TMEM132D: variants seen among roughly 807,000 people sequenced by gnomAD.
TMEM132D encodes mature OL transmembrane protein.
TMEM132D carries 21 observed loss-of-function variants against 62.3 expected under a neutral mutation model. The observed-to-expected ratio is 0.34, with a 90% confidence interval of 0.24 to 0.49. TMEM132D has a LOEUF of 0.49. Among genes scored for constraint, TMEM132D ranks in the 20% least tolerant of loss-of-function variants. The pLI, the probability that TMEM132D is intolerant of heterozygous loss-of-function variation, is 0.99. For synonymous variants in TMEM132D, 621 were observed against 575.6 expected, an observed-to-expected ratio of 1.08 and a Z score of -1.13; for missense variants, 1,346 against 1,402.8, an observed-to-expected ratio of 0.96 and a Z score of 0.65.
In TMEM132D at chr12:129,721,920, C is replaced by A. The variant is rs11830900; in HGVS notation, c.80-21222G>T. 6.9e-3 allele frequency among the ~76,000 whole-genome samples: 1,053 copies of A among 152,324 alleles called. 8 individuals carry two copies. Among genetic ancestry groups the A allele is most frequent in the African/African-American group, 0.024 (1,003 of 41,562 alleles). On this transcript the variant is annotated intron_variant, in intron 1 of 8. Transcript: ENST00000422113. ...TAAAGCCTACTTCTCAGATGTGGGT[C>A]CCGGGAAACCCAATCTTCTTAATTT... is the stretch of plus-strand genomic sequence containing the variant.
At chr12:129,163,960 T>C (rs1877468814) in intron 5 of TMEM132D, among the ~76,000 whole-genome samples, 1 of 152,184 alleles carries the variant, frequency 6.6e-6, no homozygotes, top group Non-Finnish European at 1.5e-5. Flanking sequence ...TGATACCAAA[T>C]TATTGTCTTT....
At chr12:129,454,017 G>A (rs1873383821) in intron 3 of TMEM132D, among the ~76,000 whole-genome samples, 1 of 152,162 alleles carries the variant, frequency 6.6e-6, no homozygotes, top group African/African-American at 2.4e-5. Context: ...GTACCAGGCA[G>A]CAACTACAGC....
chr12:129,394,349 C>T (rs1209906721), intron 3 of TMEM132D, among the ~76,000 whole-genome samples: 2 of 152,188 alleles, frequency 1.3e-5, no homozygotes, highest in Non-Finnish European at 2.9e-5. Flanking sequence ...TGAGGACTGC[C>T]TGCCTGGGCG....
chr12:129,364,324 A>G (rs1376854454), intron 3 of TMEM132D, among the ~76,000 whole-genome samples: 1 of 152,228 alleles, frequency 6.6e-6, no homozygotes, highest in Non-Finnish European at 1.5e-5. Context: ...TGGTACACTG[A>G]ACAACTCTAG....
At chr12:129,410,604 C>T (rs772699801) in intron 3 of TMEM132D, among the ~76,000 whole-genome samples, 27 of 151,950 alleles carry the variant, frequency 1.8e-4, no homozygotes, top group Non-Finnish European at 1.5e-4. Context: ...ATGATCCACC[C>T]GCCTCAGCCT....
intron 2 of TMEM132D, among the ~76,000 whole-genome samples, chr12:129,601,454 G>T (rs996722575): frequency 1.3e-5 from 2 of 152,118 alleles, no homozygotes; most frequent in Admixed American, 6.5e-5. Flanking sequence ...TTTTCTCCAC[G>T]TTCGAAACAT....
At chr12:129,317,043 G>C (rs1419388540) in intron 4 of TMEM132D, among the ~76,000 whole-genome samples, 1 of 152,128 alleles carries the variant, frequency 6.6e-6, no homozygotes, top group Non-Finnish European at 1.5e-5. Flanking sequence ...TGTTAGGTGA[G>C]TCTCCTGAGG....
intron 2 of TMEM132D, among the ~76,000 whole-genome samples, chr12:129,612,006 A>G (rs527739581): frequency 2.0e-5 from 3 of 152,186 alleles, no homozygotes; most frequent in African/African-American, 4.8e-5. Context: ...GCAGTACCCT[A>G]TGGAGGTGTG....
At chr12:129,852,908 C>G (rs528780944) in intron 1 of TMEM132D, 3 of 152,326 alleles carry the variant, frequency 2.0e-5, no homozygotes, top group Admixed American at 2.0e-4. Context: ...GAAGCTGAAT[C>G]AGGATGCTGA....
chr12:129,739,008 G>A (rs1016407518), intron 1 of TMEM132D, among the ~76,000 whole-genome samples: 2 of 152,160 alleles, frequency 1.3e-5, no homozygotes, highest in Non-Finnish European at 2.9e-5. Flanking sequence ...CCAAATCATG[G>A]GGCCAGAGAC....
intron 5 of TMEM132D, among the ~76,000 whole-genome samples, chr12:129,086,636 T>C (rs964634368): frequency 3.3e-5 from 5 of 149,310 alleles, no homozygotes; most frequent in Admixed American, 1.3e-4. Context: ...TGTATATTTA[T>C]TGTATTATAT....
At chr12:129,535,223 T>C (rs1340647584) in intron 2 of TMEM132D, among the ~76,000 whole-genome samples, 1 of 152,200 alleles carries the variant, frequency 6.6e-6, no homozygotes, top group African/African-American at 2.4e-5. Context: ...GAACAAGGGA[T>C]TTCCTCTTAA....
Position 129,115,568 on chromosome 12 carries a change from T to C in TMEM132D, c.1444-30866A>G, listed in dbSNP as rs915419380. Among the ~76,000 whole-genome samples, 10 of 152,238 alleles carry C rather than the reference T, an allele frequency of 6.6e-5. No individual in the cohort carries two copies. The South Asian group carries it at 1.2e-3, about 19-fold the overall frequency. On this transcript the variant is annotated intron_variant, in intron 5 of 8. Coordinates refer to ENST00000422113, the MANE Select transcript of TMEM132D (RefSeq NM_133448.3). Reference sequence around the variant, plus strand: ...TGTTATTAAATAATGATACTCGGAGTATATGAAGCAGGAAGTATGTGTCCT... The same window carrying C: ...TGTTATTAAATAATGATACTCGGAGCATATGAAGCAGGAAGTATGTGTCCT...
At chr12:129,259,939 G>A (rs1266228003) in intron 4 of TMEM132D, among the ~76,000 whole-genome samples, 2 of 151,988 alleles carry the variant, frequency 1.3e-5, no homozygotes, top group Non-Finnish European at 2.9e-5. Context: ...GGGAAGAACT[G>A]GAACCAAGTG....
At chr12:129,542,808 TATAA>T (rs1204631988) in intron 2 of TMEM132D, among the ~76,000 whole-genome samples, 2 of 152,142 alleles carry the variant, frequency 1.3e-5, no homozygotes, top group Non-Finnish European at 2.9e-5. Context: ...CCCATAAGAT[TATAA>T]TATTGTATTT....
At chr12:129,138,393 T>A (rs1876646925) in intron 5 of TMEM132D, among the ~76,000 whole-genome samples, 2 of 152,198 alleles carry the variant, frequency 1.3e-5, no homozygotes, top group African/African-American at 4.8e-5. Context: ...TTATTTATTT[T>A]AGGGATATAG....
In TMEM132D at chr12:129,099,205, T is replaced by C. The variant is rs191647163; in HGVS notation, c.1444-14503A>G. ...CTCTAAAATCATCCACATTCTCCCATCTTCCTTTCCCCTAAGAAGAGGGGT... is the reference window on the plus strand; with the variant it reads ...CTCTAAAATCATCCACATTCTCCCACCTTCCTTTCCCCTAAGAAGAGGGGT... On this transcript the variant is annotated intron_variant, in intron 5 of 8. Transcript: ENST00000422113. Among the ~76,000 whole-genome samples the C allele has an allele frequency of 6.2e-3, 949 of 152,278 alleles. 5 individuals are homozygous for C. The highest frequency in any genetic ancestry group is 0.027 in the Middle Eastern group (8 of 294).
chr12:129,216,714 C>T (rs890849624), intron 4 of TMEM132D, among the ~76,000 whole-genome samples: 17 of 152,270 alleles, frequency 1.1e-4, no homozygotes, highest in African/African-American at 3.9e-4. Context: ...CACTAGGAAG[C>T]GAATACAGTG....
At chr12:129,667,783 A>G (rs1258722453) in intron 2 of TMEM132D, among the ~76,000 whole-genome samples, 1 of 152,120 alleles carries the variant, frequency 6.6e-6, no homozygotes, top group African/African-American at 2.4e-5. Flanking sequence ...CTTAGCTTTC[A>G]TTGGGCTATA....
Sources: gnomAD v4.1 joint callset for allele counts (sites outside exome capture counted in the v4.1 genomes callset) on GRCh38, gnomAD v4.1.1 for gene constraint, MANE v1.5 for transcripts, NCBI Gene and HGNC (gene_info 2026-07-23, HGNC 2026-07-21) for gene names.